Variants in VRK2 observed in about 807,000 individuals in gnomAD.
VRK2 encodes serine/threonine-protein kinase VRK2.
VRK2 carries 60 observed loss-of-function variants against 57.6 expected under a neutral mutation model. That is an observed-to-expected ratio of 1.04 (90% CI 0.85 to 1.29). The LOEUF is 1.29. Among genes scored for constraint, VRK2 ranks in the 50% most tolerant of loss-of-function variants. VRK2 has a pLI of 0.00. For synonymous variants in VRK2, 231 were observed against 199.2 expected (o/e 1.16, Z -1.35); for missense variants, 705 against 588.1 (o/e 1.20, Z -2.06).
chr2:57,943,661 A>G (rs78067583), intron 1 of VRK2, among the ~76,000 whole-genome samples: 2,423 of 152,328 alleles, frequency 0.016, 63 homozygotes, highest in African/African-American at 0.055. Context: ...ATATATGGTG[A>G]TGATGATCAC....
At chr2:57,923,444 T>C (rs939000298) in intron 1 of VRK2, among the ~76,000 whole-genome samples, 1 of 152,046 alleles carries the variant, frequency 6.6e-6, no homozygotes, top group Non-Finnish European at 1.5e-5. Context: ...AGATGATAAC[T>C]CTTTGTAGCT....
At chr2:57,994,060 T>G (rs1672851040) in intron 1 of VRK2, among the ~76,000 whole-genome samples, 1 of 152,250 alleles carries the variant, frequency 6.6e-6, no homozygotes, top group South Asian at 2.1e-4. Context: ...AGGCTCCCCT[T>G]TTTAAAGGAT....
chr2:57,987,315 AGAC>A (rs751787753), intron 1 of VRK2, among the ~76,000 whole-genome samples: 10 of 152,220 alleles, frequency 6.6e-5, no homozygotes, highest in African/African-American at 7.2e-5. Context: ...CTCAGTAAGA[AGAC>A]AAACAATCCA....
In VRK2 at chr2:57,932,354, T is replaced by C. The variant is rs1467996248; in HGVS notation, c.-439+24515T>C. Among the ~76,000 whole-genome samples the C allele has an allele frequency of 2.0e-5, 3 of 152,148 alleles. No homozygotes were observed. In the East Asian group the frequency reaches 5.8e-4, roughly 29 times the overall value. Reference sequence around the variant, plus strand: ...CTCTCATTTTTCCGGAGATTTTTGATTACCTATTCAAAATCCTTACTCGTT... The same window carrying C: ...CTCTCATTTTTCCGGAGATTTTTGACTACCTATTCAAAATCCTTACTCGTT... On this transcript the variant is annotated intron_variant, in intron 1 of 15. Coordinates refer to the VRK2 transcript ENST00000417641.
chr2:58,071,515 G>A (rs978670048), intron 2 of VRK2, among the ~76,000 whole-genome samples: 1 of 152,018 alleles, frequency 6.6e-6, no homozygotes, highest in African/African-American at 2.4e-5. Flanking sequence ...GCATGTGAGT[G>A]TCCAGTCCTA....
At chr2:58,073,095 T>G (rs1669584337) in intron 2 of VRK2, among the ~76,000 whole-genome samples, 1 of 152,132 alleles carries the variant, frequency 6.6e-6, no homozygotes, top group South Asian at 2.1e-4. Flanking sequence ...TATTTAGACA[T>G]ATATTGTTTA....
intron 1 of VRK2, among the ~76,000 whole-genome samples, chr2:57,930,090 C>A (rs944465748): frequency 2.0e-5 from 3 of 152,140 alleles, no homozygotes. Context: ...AAGTTGTGGG[C>A]CCTGTAGATC....
chr2:57,995,962 A>C (rs2104096808), intron 1 of VRK2, among the ~76,000 whole-genome samples: 1 of 152,348 alleles, frequency 6.6e-6, no homozygotes, highest in Admixed American at 6.5e-5. Context: ...GATTTCAACC[A>C]ATCATGGATT....
chr2:57,937,200 T>C (rs1670942141), intron 1 of VRK2, among the ~76,000 whole-genome samples: 1 of 152,226 alleles, frequency 6.6e-6, no homozygotes, highest in Non-Finnish European at 1.5e-5. Flanking sequence ...TACAAAGACA[T>C]AAAGTATCAA....
Position 58,007,421 on chromosome 2 carries a change from C to T in VRK2, c.-438-18244C>T, listed in dbSNP as rs563588445. Among the ~76,000 whole-genome samples the T allele has an allele frequency of 8.6e-5, 13 of 151,902 alleles. No individual in the cohort carries two copies. The South Asian group carries it at 2.7e-3, about 32-fold the overall frequency. On this transcript the variant is annotated intron_variant, in intron 1 of 15. Transcript: ENST00000417641. ...GGATTTTCTTCCACCTCTTCCAGCC[C>T]GAGACAGCAAGAATAACCTCTCCTT...
intron 1 of VRK2, among the ~76,000 whole-genome samples, chr2:57,924,840 C>A (rs1217747916): frequency 6.6e-6 from 1 of 151,770 alleles, no homozygotes; most frequent in East Asian, 1.9e-4. Context: ...AACTGTGGGT[C>A]TGTCATATAT....
intron 1 of VRK2, among the ~76,000 whole-genome samples, chr2:57,937,923 C>T (rs745753185): frequency 3.4e-5 from 5 of 148,448 alleles, no homozygotes; most frequent in Non-Finnish European, 3.0e-5. Flanking sequence ...CCTCCACCTC[C>T]TGGGTTCAAG....
At chr2:58,117,995 A>T (rs1225130781) in intron 7 of VRK2, among the ~76,000 whole-genome samples, 1 of 152,064 alleles carries the variant, frequency 6.6e-6, no homozygotes, top group African/African-American at 2.4e-5. Flanking sequence ...CACAGAGATA[A>T]GAGGTTGGGG....
chr2:57,981,896 T>G (rs539048774), intron 1 of VRK2, among the ~76,000 whole-genome samples: 2 of 152,200 alleles, frequency 1.3e-5, no homozygotes, highest in Non-Finnish European at 2.9e-5. Context: ...TTCAGCCATT[T>G]TAGTCTGGTT....
intron 2 of VRK2, among the ~76,000 whole-genome samples, chr2:58,081,527 C>G (rs566825652): frequency 6.6e-6 from 1 of 151,288 alleles, no homozygotes; most frequent in African/African-American, 2.4e-5. Context: ...TTGTTATCTT[C>G]TTTGCTCCTC....
intron 10 of VRK2, among the ~76,000 whole-genome samples, chr2:58,139,261 G>T (rs748862505): frequency 6.6e-6 from 1 of 152,014 alleles, no homozygotes; most frequent in Non-Finnish European, 1.5e-5. Context: ...AAATAAAGAG[G>T]TTTATAATAA....
At chr2:58,068,711 A>C (rs1025432837) in intron 2 of VRK2, among the ~76,000 whole-genome samples, 6 of 147,686 alleles carry the variant, frequency 4.1e-5, no homozygotes, top group Admixed American at 2.1e-4. Context: ...TTCATAGTTT[A>C]TCTCTCTGTT....
chr2:58,132,125 T>C, intron 9 of VRK2, 197 bp downstream of exon 9: 2 of 577,544 alleles, frequency 3.5e-6, no homozygotes, highest in Admixed American at 3.7e-5. Flanking sequence ...TAAAAAGACA[T>C]GTATTTGAAT....
At chr2:58,091,568 A>C (rs2104249048) in intron 7 of VRK2, among the ~76,000 whole-genome samples, 1 of 152,136 alleles carries the variant, frequency 6.6e-6, no homozygotes, top group African/African-American at 2.4e-5. Flanking sequence ...AATTAGAAAA[A>C]ATGTAATTGA....
Sources: gnomAD v4.1 joint callset for allele counts (sites outside exome capture counted in the v4.1 genomes callset) on GRCh38, gnomAD v4.1.1 for gene constraint, MANE v1.5 for transcripts, NCBI Gene and HGNC (gene_info 2026-07-23, HGNC 2026-07-21) for gene names.